PRUNE1: variants seen among roughly 807,000 people sequenced by gnomAD.
PRUNE1 encodes the protein prune exopolyphosphatase 1, also known as exopolyphosphatase PRUNE1.
A neutral mutation model predicts 42.5 loss-of-function variants in PRUNE1; 25 were observed. The ratio of observed to expected loss-of-function variants is 0.59; its 90% confidence interval spans 0.43 to 0.82. PRUNE1 has a LOEUF of 0.82. Ranked by LOEUF, PRUNE1 falls within the 40% of genes least tolerant of loss-of-function variation. The probability of loss-of-function intolerance (pLI) is 0.00; values close to 1 mark genes in which losing one functional copy is unlikely to be tolerated. For synonymous variants in PRUNE1, 203 were observed against 217.1 expected (o/e 0.93, Z 0.57); for missense variants, 443 against 539.3 (o/e 0.82, Z 1.77).
chr1:151,027,094 A>G (rs1674892929), intron 5 of PRUNE1, 139 bp from the exon 6 acceptor site: 2 of 545,876 alleles, frequency 3.7e-6, no homozygotes, highest in African/African-American at 1.9e-5. Context: ...CTATGATTAC[A>G]TTTTCAATTA....
intron 3 of PRUNE1, 45 bp downstream of exon 3, chr1:151,018,714 G>A (rs1460934649): frequency 6.5e-7 from 1 of 1,536,694 alleles, no homozygotes; most frequent in South Asian, 1.1e-5. Flanking sequence ...GTACCATGCT[G>A]GGCTCTGATG....
At chr1:151,031,195 T>TG (rs1344212205) in intron 7 of PRUNE1, among the ~76,000 whole-genome samples, 2 of 132,434 alleles carry the variant, frequency 1.5e-5, no homozygotes, top group Admixed American at 7.0e-5. Context: ...GTGTGTGTGT[T>TG]TTTTTTTTTT....
intron 1 of PRUNE1, 112 bp downstream of exon 1, chr1:151,008,783 TG>T: frequency 8.0e-7 from 1 of 1,246,026 alleles, no homozygotes; most frequent in Non-Finnish European, 1.1e-6. Flanking sequence ...CACTGAGTTG[TG>T]GGGAGGGGGG....
intron 7 of PRUNE1, among the ~76,000 whole-genome samples, chr1:151,032,529 C>T (rs1675297918): frequency 6.6e-6 from 1 of 152,012 alleles, no homozygotes; most frequent in South Asian, 2.1e-4. Context: ...GCCTGGCTAA[C>T]ATGGTGTAAC....
intron 7 of PRUNE1, among the ~76,000 whole-genome samples, chr1:151,033,237 C>T (rs1355445305): frequency 6.6e-6 from 1 of 151,116 alleles, no homozygotes; most frequent in Admixed American, 6.6e-5. Context: ...AGGCATGCGC[C>T]ATCATGCCTG....
chr1:151,008,850 G>A (rs1396275682), intron 1 of PRUNE1, 179 bp downstream of exon 1: 1 of 800,596 alleles, frequency 1.2e-6, no homozygotes, highest in South Asian at 1.4e-5. Context: ...GCCAGTTTAG[G>A]AGCGTGAGAA....
At chr1:151,027,512 C>G (rs1558086421) in intron 6 of PRUNE1, among the ~76,000 whole-genome samples, 185 bp downstream of exon 6, 1 of 152,078 alleles carries the variant, frequency 6.6e-6, no homozygotes, top group Non-Finnish European at 1.5e-5. Flanking sequence ...AGCCTCAGTA[C>G]TGGTGTCCCT....
chr1:151,008,576 C>CCTCGACCAGGGGCACCTCTA lies in PRUNE1; in HGVS notation c.-43_-24dup. On this transcript the variant is annotated 5_prime_UTR_variant, in exon 1 of 8. Transcript: ENST00000271620. ...GGCTGCATTCGTCGGGGAAACCTCT[C>CCTCGACCAGGGGCACCTCTA]CTCGACCAGGGGCACCTCTACTCGA... is the stretch of plus-strand genomic sequence containing the variant. The CCTCGACCAGGGGCACCTCTA allele has an allele frequency of 1.2e-6, 2 of 1,603,504 alleles. No individual in the cohort carries two copies. Among genetic ancestry groups the CCTCGACCAGGGGCACCTCTA allele is most frequent in the South Asian group, 1.1e-5 (1 of 90,902 alleles).
intron 1 of PRUNE1, among the ~76,000 whole-genome samples, chr1:151,011,893 C>T (rs587692347): frequency 1.1e-4 from 16 of 151,992 alleles, no homozygotes; most frequent in Admixed American, 5.2e-4. Flanking sequence ...ATTTTCCTGC[C>T]TCAGCCTCCC....
intron 1 of PRUNE1, 117 bp downstream of exon 1, chr1:151,008,788 A>AGG: frequency 1.4e-6 from 1 of 717,204 alleles, no homozygotes; most frequent in South Asian, 1.4e-5. Context: ...AGTTGTGGGG[A>AGG]GGGGGGTTGG....
In PRUNE1 at chr1:151,015,964, G is replaced by A. The variant is rs188220056; in HGVS notation, c.40-1848G>A. Among the ~76,000 whole-genome samples, 404 of 151,930 alleles carry A rather than the reference G, an allele frequency of 2.7e-3. 1 individual carries two copies. The highest frequency in any genetic ancestry group is 9.4e-3 in the African/African-American group (390 of 41,414). The stretch of plus-strand genomic sequence containing the variant: ...ATAGAAGTTCAAAAGTAAACTGGTG[G>A]GCTGGGCATGGTGGCTCACACCAAC... On this transcript the variant is annotated intron_variant, in intron 1 of 7. Transcript: ENST00000271620.
intron 3 of PRUNE1, among the ~76,000 whole-genome samples, chr1:151,023,182 G>T (rs769991752): frequency 5.3e-5 from 8 of 152,128 alleles, no homozygotes; most frequent in Non-Finnish European, 1.2e-4. Flanking sequence ...GGTCCTAAAA[G>T]AATCAGATTT....
rs1675474218 is a variant in PRUNE1 at position 151,035,078 on chromosome 1, T to C, written c.*844T>C. On this transcript the variant is annotated 3_prime_UTR_variant, in exon 8 of 8. Coordinates refer to ENST00000271620, the MANE Select transcript of PRUNE1 (RefSeq NM_021222.3). ...TATCAATTTCTTGTCAATCTCTTTT[T>C]TTCCTTGCTCACATTAAAAGGAAGC... The C allele has an allele frequency of 6.6e-6, 1 of 152,240 alleles. No individual in the cohort carries two copies. Among genetic ancestry groups the C allele is most frequent in the Admixed American group, 6.5e-5 (1 of 15,278 alleles). 9.4% of individuals were successfully genotyped at this position (152,240 alleles called of 1,614,324 possible). A position where few individuals can be genotyped will look rare whatever the true frequency, so the allele number is the denominator to read the frequency against.
chr1:151,017,092 C>CAAA (rs34772866), intron 1 of PRUNE1, among the ~76,000 whole-genome samples: 2 of 76,124 alleles, frequency 2.6e-5, no homozygotes, highest in Admixed American at 1.5e-4. Flanking sequence ...AACTCCATCT[C>CAAA]AAAAAAAAAA....
In PRUNE1 at chr1:151,034,438, A is replaced by C; in HGVS notation, c.*204A>C. 2 of 563,824 alleles carry C rather than the reference A, an allele frequency of 3.5e-6. No homozygotes were observed. The highest frequency in any genetic ancestry group is 6.3e-6 in the Non-Finnish European group (2 of 319,802). 34.9% of individuals were successfully genotyped at this position (563,824 alleles called of 1,614,324 possible). On this transcript the variant is annotated 3_prime_UTR_variant, in exon 8 of 8. Transcript: ENST00000271620. Reference sequence around the variant, plus strand: ...CACCTTTTCCCCCTAATCTCTACCAATCAGACACATTTTATTATTTAAATC... The same window carrying C: ...CACCTTTTCCCCCTAATCTCTACCACTCAGACACATTTTATTATTTAAATC...
chr1:151,021,017 G>A (rs1252510346), intron 3 of PRUNE1, among the ~76,000 whole-genome samples: 6 of 149,694 alleles, frequency 4.0e-5, no homozygotes, highest in East Asian at 2.0e-4. Flanking sequence ...GTGGTGGCTC[G>A]CGCCTGTAAG....
In PRUNE1 at chr1:151,024,698, A is replaced by T. The variant is rs1425514881; in HGVS notation, c.423A>T (p.Ser141=). ...EPKHCPPCHV[S]VELVGSCATL... ...AACACTGCCCTCCCTGCCATGTTTC[A>T]GTTGAGCTGGTGGGGTCCTGTGCTA... Residue 141 remains serine (S), a synonymous_variant, in exon 4 of 8, where the codon TCA becomes TCT. Transcript: ENST00000271620. 4 of 1,613,970 alleles carry T rather than the reference A, an allele frequency of 2.5e-6. No homozygotes were observed. The East Asian group carries it at 8.9e-5, about 36-fold the overall frequency.
intron 1 of PRUNE1, among the ~76,000 whole-genome samples, chr1:151,015,376 C>T (rs999870030): frequency 2.0e-5 from 3 of 146,990 alleles, no homozygotes; most frequent in Admixed American, 6.9e-5. Context: ...TGGCTCATGC[C>T]TGTAATCCCA....
chr1:151,034,101 C>T lies in PRUNE1; in HGVS notation c.1229C>T (p.Thr410Met), dbSNP rs750727929. The T allele has an allele frequency of 1.1e-5, 17 of 1,614,078 alleles. No individual in the cohort carries two copies. The highest frequency in any genetic ancestry group is 5.3e-5 in the African/African-American group (4 of 74,928). ...QDEEDPPLPP[T>M]PMNSLVDECP... is the part of the protein sequence containing the mutation. ...GAGGAGGACCCTCCGCTGCCCCCGA[C>T]GCCCATGAACAGCTTGGTGGATGAG... The change falls in exon 8 of 8, where the codon ACG (threonine) becomes ATG (methionine). Residue 410 changes from threonine (T) to methionine (M), a missense_variant. Transcript: ENST00000271620.
Sources: allele counts gnomAD v4.1 joint callset (sites outside exome capture counted in the v4.1 genomes callset), GRCh38; gene constraint gnomAD v4.1.1; transcripts MANE v1.5; gene names NCBI Gene and HGNC (gene_info 2026-07-23, HGNC 2026-07-21).